Variants in DGKB observed in about 807,000 individuals in gnomAD.
DGKB encodes diacylglycerol kinase beta.
In DGKB, 67 loss-of-function variants were observed where a neutral mutation model predicts 114.3. That is an observed-to-expected ratio of 0.59 (90% CI 0.48 to 0.72). The LOEUF is 0.72. Ranked by LOEUF, DGKB falls within the 30% of genes least tolerant of loss-of-function variation. The pLI, the probability that DGKB is intolerant of heterozygous loss-of-function variation, is 0.00. For synonymous variants in DGKB, 398 were observed against 323.1 expected (o/e 1.23, Z -2.49); for missense variants, 907 against 975.2 (o/e 0.93, Z 0.93).
intron 2 of DGKB, among the ~76,000 whole-genome samples, chr7:14,784,685 AT>A (rs1839623785): frequency 6.6e-6 from 1 of 152,064 alleles, no homozygotes; most frequent in Admixed American, 6.5e-5. Flanking sequence ...TTTATATGCT[AT>A]TTTTGATTAG....
chr7:14,437,278 C>A lies in DGKB; in HGVS notation c.1835+40883G>T, dbSNP rs1009234253. ...AAGGTAGAGTTTATTAATTTAGTAA[C>A]CAAGTCCATAAGAATAGAGAACAAC... is the stretch of plus-strand genomic sequence containing the variant. On this transcript the variant is annotated intron_variant, in intron 21 of 25. Coordinates refer to ENST00000402815, the MANE Select transcript of DGKB (RefSeq NM_001350709.2). 8.9e-5 allele frequency among the ~76,000 whole-genome samples: 12 copies of A among 134,546 alleles called. No individual in the cohort carries two copies. In the East Asian group the frequency reaches 1.0e-3, roughly 12 times the overall value. 88.3% of individuals were successfully genotyped at this position (134,546 alleles called of 152,430 possible).
intron 21 of DGKB, among the ~76,000 whole-genome samples, chr7:14,370,110 A>G (rs1198407417): frequency 6.6e-6 from 1 of 152,016 alleles, no homozygotes; most frequent in Non-Finnish European, 1.5e-5. Context: ...ATCCATCTTG[A>G]GTTAATTTTT....
chr7:14,516,159 G>C (rs922568341), intron 20 of DGKB, among the ~76,000 whole-genome samples: 1 of 152,016 alleles, frequency 6.6e-6, no homozygotes, highest in African/African-American at 2.4e-5. Flanking sequence ...TATTTTTAAA[G>C]AAAAACAATT....
In DGKB at chr7:14,437,510, A is replaced by G. The variant is rs548886417; in HGVS notation, c.1835+40651T>C. Among the ~76,000 whole-genome samples, 10 of 152,138 alleles carry G rather than the reference A, an allele frequency of 6.6e-5. 1 individual carries two copies. In the South Asian group the frequency reaches 2.1e-3, roughly 32 times the overall value. On this transcript the variant is annotated intron_variant, in intron 21 of 25. Transcript: ENST00000402815. ...TAAAAGTATGCTAAATATATTTTTT[A>G]AAGTTTCTAATTAAAAATTATTTAC...
At chr7:14,167,555 T>C (rs1784790122) in intron 25 of DGKB, among the ~76,000 whole-genome samples, 1 of 152,154 alleles carries the variant, frequency 6.6e-6, no homozygotes, top group Non-Finnish European at 1.5e-5. Flanking sequence ...TCCTATGAAG[T>C]TGCATTTGAT....
rs1271047412 is a variant in DGKB, at chr7:14,841,466, A to C, written c.-187-16T>G. The C allele has an allele frequency of 2.5e-5, 10 of 405,076 alleles. No homozygotes were observed. The highest frequency in any genetic ancestry group is 2.0e-4 in the East Asian group (5 of 25,244). The allele number at this position is 405,076 out of a possible 1,614,324, so 25.1% of individuals were successfully genotyped here. ...TGTTAAAGAACTGCAAAAAAAAAAA[A>C]CAGATCAAGATCAAAAGATTAACAT... On this transcript the variant is annotated splice_polypyrimidine_tract_variant and intron_variant, in intron 1 of 25. Coordinates refer to ENST00000402815, the MANE Select transcript of DGKB (RefSeq NM_001350709.2).
intron 20 of DGKB, among the ~76,000 whole-genome samples, chr7:14,522,221 ACTTTACATAAGGCTTT>A (rs1789898654): frequency 6.6e-6 from 1 of 152,106 alleles, no homozygotes; most frequent in Non-Finnish European, 1.5e-5. Context: ...CCAGGCTTTT[ACTTTACATAAGGCTTT>A]CTGACATCTT....
intron 20 of DGKB, among the ~76,000 whole-genome samples, chr7:14,528,980 C>A (rs1284155564): frequency 6.6e-6 from 1 of 151,936 alleles, no homozygotes; most frequent in East Asian, 1.9e-4. Flanking sequence ...GATTCAGTGG[C>A]TAAACCCAAT....
At chr7:14,572,137 A>C (rs1388647690) in intron 20 of DGKB, among the ~76,000 whole-genome samples, 1 of 152,042 alleles carries the variant, frequency 6.6e-6, no homozygotes, top group African/African-American at 2.4e-5. Context: ...ATGTCAAAAG[A>C]ATGAAAAGAA....
chr7:14,570,177 T>C (rs1798162501), intron 20 of DGKB, among the ~76,000 whole-genome samples: 2 of 151,758 alleles, frequency 1.3e-5, no homozygotes, highest in Admixed American at 6.6e-5. Context: ...TTACTTATAA[T>C]TCTCTATAGA....
intron 21 of DGKB, among the ~76,000 whole-genome samples, chr7:14,454,956 G>C (rs1216281860): frequency 6.6e-6 from 1 of 151,974 alleles, no homozygotes; most frequent in Non-Finnish European, 1.5e-5. Flanking sequence ...TTTACCCTAG[G>C]CTTCAGAACT....
intron 15 of DGKB, among the ~76,000 whole-genome samples, chr7:14,614,275 G>A (rs983064440): frequency 2.6e-5 from 4 of 152,090 alleles, no homozygotes; most frequent in Non-Finnish European, 5.9e-5. Flanking sequence ...TACGTAGTGT[G>A]GGAAAGGACA....
intron 21 of DGKB, among the ~76,000 whole-genome samples, chr7:14,357,603 G>T (rs1050359162): frequency 4.6e-5 from 7 of 152,078 alleles, no homozygotes; most frequent in African/African-American, 1.7e-4. Context: ...TACATTTAAG[G>T]TTAATATTGT....
At chr7:14,489,992 C>CA (rs1784385059) in intron 20 of DGKB, among the ~76,000 whole-genome samples, 1 of 152,102 alleles carries the variant, frequency 6.6e-6, no homozygotes, top group Non-Finnish European at 1.5e-5. Context: ...CGGCAAAAGT[C>CA]TGAAAGTAAG....
chr7:14,303,736 A>G (rs977003598), intron 23 of DGKB, among the ~76,000 whole-genome samples: 4 of 152,136 alleles, frequency 2.6e-5, no homozygotes, highest in Non-Finnish European at 5.9e-5. Flanking sequence ...CTGTGCTGCA[A>G]CATTCACTCC....
rs1284877371 is a variant in DGKB, at chr7:14,392,998, T to TTGTTTTTTGTTTTTTG, written c.1836-47608_1836-47607insCAAAAAACAAAAAACA. On this transcript the variant is annotated intron_variant, in intron 21 of 25. Transcript: ENST00000402815. ...AACAGACCTGTTTTTTGTTTTTGTT[T>TTGTTTTTTGTTTTTTG]TTTTTTTTTTGAGACGGAGTCTCGC... 4.3e-3 allele frequency among the ~76,000 whole-genome samples: 379 copies of TTGTTTTTTGTTTTTTG among 88,778 alleles called. 19 individuals carry two copies. Among genetic ancestry groups the TTGTTTTTTGTTTTTTG allele is most frequent in the African/African-American group, 0.013 (361 of 27,978 alleles). The allele number at this position is 88,778 out of a possible 152,430, so 58.2% of individuals were successfully genotyped here. A position where few individuals can be genotyped will look rare whatever the true frequency, so the allele number is the denominator to read the frequency against.
At chr7:14,301,922 T>A (rs1035867062) in intron 23 of DGKB, among the ~76,000 whole-genome samples, 5 of 152,032 alleles carry the variant, frequency 3.3e-5, no homozygotes, top group African/African-American at 1.2e-4. Flanking sequence ...ATGTCCCTGG[T>A]CTTGGGTTGG....
intron 21 of DGKB, among the ~76,000 whole-genome samples, chr7:14,466,072 A>C (rs1214943730): frequency 1.3e-5 from 2 of 152,232 alleles, no homozygotes; most frequent in African/African-American, 2.4e-5. Flanking sequence ...TCAAGTGTAC[A>C]TCTACTTCCA....
chr7:14,729,142 T>TGA (rs1554624781), intron 5 of DGKB, among the ~76,000 whole-genome samples: 2 of 146,940 alleles, frequency 1.4e-5, no homozygotes, highest in Non-Finnish European at 3.0e-5. Context: ...TTTTTTTTTT[T>TGA]GATGGAGTCT....
Sources: allele counts gnomAD v4.1 joint callset (sites outside exome capture counted in the v4.1 genomes callset), GRCh38; gene constraint gnomAD v4.1.1; transcripts MANE v1.5; gene names NCBI Gene and HGNC (gene_info 2026-07-23, HGNC 2026-07-21).